CLCA4: variants seen among roughly 807,000 people sequenced by gnomAD.
The protein encoded by CLCA4 is calcium-activated chloride channel regulator 4.
In CLCA4, 69 loss-of-function variants were observed where a neutral mutation model predicts 78.9. That is an observed-to-expected ratio of 0.87 (90% CI 0.72 to 1.07). The LOEUF is 1.07. Ranked by LOEUF, CLCA4 falls within the 50% of genes least tolerant of loss-of-function variation. The pLI, the probability that CLCA4 is intolerant of heterozygous loss-of-function variation, is 0.00. For missense variants in CLCA4, 1,133 were observed against 1,095.8 expected (o/e 1.03, Z -0.48); for synonymous variants, 362 against 375.8 (o/e 0.96, Z 0.42).
intron 8 of CLCA4, among the ~76,000 whole-genome samples, chr1:86,572,098 G>T (rs1346213996): frequency 1.3e-5 from 2 of 151,792 alleles, no homozygotes; most frequent in Non-Finnish European, 2.9e-5. Context: ...TTTTCTATCT[G>T]CTCATTGCCA....
rs543767590 is a variant in CLCA4, at chr1:86,574,953, C to T, written c.1683+198C>T. 1.6e-4 allele frequency among the ~76,000 whole-genome samples: 24 copies of T among 151,996 alleles called. No homozygotes were observed. In the East Asian group the frequency reaches 3.3e-3, roughly 21 times the overall value. On this transcript the variant is annotated intron_variant, in intron 10 of 13. Transcript: ENST00000370563. ...TATATATCAAGAAGAAGGAAGAAAA[C>T]GTAGTCAAGACTGTCTGAGAAGAAC...
At chr1:86,560,165 A>G (rs1353603971) in intron 2 of CLCA4, 46 bp from the exon 3 acceptor site, 3 of 1,574,734 alleles carry the variant, frequency 1.9e-6, no homozygotes, top group East Asian at 4.5e-5. Flanking sequence ...ACTGAATATT[A>G]TCTTTTTTAT....
At position 86,567,419 on chromosome 1, in the gene CLCA4, T is replaced by A. The variant is rs1175757136; in HGVS notation, c.955-5T>A. On this transcript the variant is annotated splice_polypyrimidine_tract_variant and splice_region_variant and intron_variant, in intron 6 of 13. Coordinates refer to ENST00000370563, the MANE Select transcript of CLCA4 (RefSeq NM_012128.4). ...TTGTTTGTTTTTCTTGTCTTTTTAATCTAGGGTAAGGACCGCCTAAATCGA... is the reference window on the plus strand; with the variant it reads ...TTGTTTGTTTTTCTTGTCTTTTTAAACTAGGGTAAGGACCGCCTAAATCGA... The A allele has an allele frequency of 5.7e-6, 9 of 1,587,516 alleles. No individual in the cohort carries two copies. The highest frequency in any genetic ancestry group is 1.8e-5 in the Admixed American group (1 of 55,314).
intron 7 of CLCA4, among the ~76,000 whole-genome samples, chr1:86,569,062 A>G (rs1301027136): frequency 1.3e-5 from 2 of 152,078 alleles, no homozygotes; most frequent in Non-Finnish European, 2.9e-5. Flanking sequence ...GCTTTAATCT[A>G]TTCACCAAGC....
intron 1 of CLCA4, among the ~76,000 whole-genome samples, chr1:86,556,251 T>A (rs573348799): frequency 6.6e-6 from 1 of 152,070 alleles, no homozygotes; most frequent in African/African-American, 2.4e-5. Flanking sequence ...TGAATAGGAG[T>A]GGTGAGAGAC....
At position 86,580,407 on chromosome 1, in the gene CLCA4, T is replaced by G. The variant is rs1650684147; in HGVS notation, c.*62T>G. ...AAGAGAGTTTTAAAAAACAAAACAATGTAAGTAAAGGATATTTCTGAATCT... is the reference window on the plus strand; with the variant it reads ...AAGAGAGTTTTAAAAAACAAAACAAGGTAAGTAAAGGATATTTCTGAATCT... On this transcript the variant is annotated 3_prime_UTR_variant, in exon 14 of 14. Transcript: ENST00000370563. 1 of 1,268,496 alleles carries G rather than the reference T, an allele frequency of 7.9e-7. No homozygotes were observed. Among genetic ancestry groups the G allele is most frequent in the Admixed American group, 2.8e-5 (1 of 36,206 alleles). The allele number at this position is 1,268,496 out of a possible 1,614,324, so 78.6% of individuals were successfully genotyped here.
intron 11 of CLCA4, among the ~76,000 whole-genome samples, chr1:86,576,086 C>G (rs543843174): frequency 2.0e-5 from 3 of 151,882 alleles, no homozygotes; most frequent in Non-Finnish European, 4.4e-5. Flanking sequence ...AGAAAGACTC[C>G]GTCTCAACGA....
At chr1:86,565,125 C>T in intron 4 of CLCA4, 149 bp from the exon 5 acceptor site, 1 of 523,494 alleles carries the variant, frequency 1.9e-6, no homozygotes. Flanking sequence ...GATTGGAACC[C>T]TTAAACCCTA....
intron 4 of CLCA4, 73 bp from the exon 5 acceptor site, chr1:86,565,201 A>ACTT (rs1650140839): frequency 9.5e-7 from 1 of 1,056,032 alleles, no homozygotes; most frequent in Non-Finnish European, 1.4e-6. Context: ...TTCATCATGA[A>ACTT]TAGAACCACT....
intron 1 of CLCA4, among the ~76,000 whole-genome samples, chr1:86,551,033 G>A (rs955785859): frequency 4.0e-5 from 6 of 151,748 alleles, no homozygotes; most frequent in South Asian, 2.1e-4. Context: ...GGGTTTCACC[G>A]TGTTAGCCAG....
At chr1:86,573,348 A>C (rs1650412113) in intron 9 of CLCA4, among the ~76,000 whole-genome samples, 1 of 151,988 alleles carries the variant, frequency 6.6e-6, no homozygotes, top group Non-Finnish European at 1.5e-5. Context: ...AAAAACTTTG[A>C]GTAAACTTTG....
intron 11 of CLCA4, among the ~76,000 whole-genome samples, chr1:86,576,065 C>G (rs1254218053): frequency 6.6e-6 from 1 of 152,030 alleles, no homozygotes; most frequent in Non-Finnish European, 1.5e-5. Flanking sequence ...ACATTCCAGC[C>G]TGGGCAACAG....
At chr1:86,565,590 G>C (rs1650158299) in intron 5 of CLCA4, 139 bp downstream of exon 5, 1 of 714,280 alleles carries the variant, frequency 1.4e-6, no homozygotes, top group Non-Finnish European at 2.3e-6. Context: ...CATAGTATTT[G>C]CTGAACTAGT....
chr1:86,577,899 A>G lies in CLCA4; in HGVS notation c.1952-3A>G. 6.2e-7 allele frequency: 1 copy of G among 1,606,322 alleles called. No individual in the cohort carries two copies. Among genetic ancestry groups the G allele is most frequent in the African/African-American group, 1.3e-5 (1 of 74,434 alleles). ...GACTTTATTCCTTCATTTCTATAAC[A>G]AGGCGCTGATTCTTTCAAGAATGAT... On this transcript the variant is annotated splice_region_variant and splice_polypyrimidine_tract_variant and intron_variant, in intron 11 of 13. Transcript: ENST00000370563.
chr1:86,560,869 T>C (rs1649996163), intron 3 of CLCA4, among the ~76,000 whole-genome samples: 1 of 152,180 alleles, frequency 6.6e-6, no homozygotes, highest in Admixed American at 6.5e-5. Flanking sequence ...TTGTCAGTAA[T>C]TGATCATTTT....
chr1:86,552,566 A>G (rs1649697819), intron 1 of CLCA4: 1 of 559,820 alleles, frequency 1.8e-6, no homozygotes, highest in African/African-American at 1.9e-5. Flanking sequence ...TACGGGAGCC[A>G]GTGCTCACGT....
chr1:86,575,711 G>GAGGAACAGC (rs1394682131), intron 11 of CLCA4, 112 bp downstream of exon 11: 9 of 994,698 alleles, frequency 9.0e-6, no homozygotes, highest in East Asian at 2.4e-5. Flanking sequence ...GCAGATTAAG[G>GAGGAACAGC]AGGAACAGCA....
chr1:86,552,890 T>C lies in CLCA4; in HGVS notation c.159+5612T>C, dbSNP rs548054621. On this transcript the variant is annotated intron_variant, in intron 1 of 13. Transcript: ENST00000370563. ...ATTTGCGAAAGCTTCCTCTGTTTTC[T>C]TGAGGGCCATCCATCTCCCAGACGC... 4.0e-5 allele frequency: 28 copies of C among 695,880 alleles called. No individual in the cohort carries two copies. The South Asian group carries it at 4.6e-4, about 11-fold the overall frequency. 43.1% of individuals were successfully genotyped at this position (695,880 alleles called of 1,614,324 possible).
chr1:86,547,344 T>C, intron 1 of CLCA4, 66 bp downstream of exon 1: 1 of 1,217,248 alleles, frequency 8.2e-7, no homozygotes, highest in Non-Finnish European at 1.1e-6. Context: ...AATTGACATA[T>C]AATTGTACAT....
Sources: allele counts gnomAD v4.1 joint callset (sites outside exome capture counted in the v4.1 genomes callset), GRCh38; gene constraint gnomAD v4.1.1; transcripts MANE v1.5; gene names NCBI Gene and HGNC (gene_info 2026-07-23, HGNC 2026-07-21).